The following DNAH6 variants were observed in gnomAD, a reference collection of about 807,000 sequenced individuals.
DNAH6 encodes the protein dynein axonemal heavy chain 6, also known as axonemal beta dynein heavy chain 6.
A neutral mutation model predicts 491.4 loss-of-function variants in DNAH6; 340 were observed. That is an observed-to-expected ratio of 0.69 (90% CI 0.63 to 0.76). The LOEUF is 0.76. Among genes scored for constraint, DNAH6 ranks in the 30% least tolerant of loss-of-function variants. The pLI, the probability that DNAH6 is intolerant of heterozygous loss-of-function variation, is 0.00. For synonymous variants in DNAH6, 1,603 were observed against 1,686.1 expected (o/e 0.95, Z 1.21); for missense variants, 4,443 against 4,972.2 (o/e 0.89, Z 3.20).
At chr2:84,771,087 G>A (rs949123702) in intron 64 of DNAH6, among the ~76,000 whole-genome samples, 1 of 152,030 alleles carries the variant, frequency 6.6e-6, no homozygotes, top group African/African-American at 2.4e-5. Context: ...TCAGGAGTTT[G>A]AGACCAGCTT....
At position 84,531,896 on chromosome 2, in the gene DNAH6, G is replaced by T. The variant is rs73945108; in HGVS notation, c.662+2730G>T. Among the ~76,000 whole-genome samples the T allele has an allele frequency of 7.2e-3, 1,094 of 151,982 alleles. 15 individuals are homozygous for T. Among genetic ancestry groups the T allele is most frequent in the African/African-American group, 0.026 (1,065 of 41,412 alleles). Reference sequence around the variant, plus strand: ...ACTTTACTCGCTTGTATAGTTCTTTGTAAGTTTTTGGTGAAGAACTTGTAG... The same window carrying T: ...ACTTTACTCGCTTGTATAGTTCTTTTTAAGTTTTTGGTGAAGAACTTGTAG... On this transcript the variant is annotated intron_variant, in intron 4 of 76. Transcript: ENST00000389394.
intron 29 of DNAH6, among the ~76,000 whole-genome samples, chr2:84,633,497 A>G (rs900849492): frequency 1.3e-5 from 2 of 151,466 alleles, no homozygotes; most frequent in African/African-American, 4.9e-5. Context: ...CTCATTTCCA[A>G]ATATTTCTCT....
intron 74 of DNAH6, 75 bp from the exon 75 acceptor site, chr2:84,813,896 T>C: frequency 6.8e-7 from 1 of 1,476,114 alleles, no homozygotes; most frequent in Non-Finnish European, 9.2e-7. Context: ...GGCAGCCTGG[T>C]TTGGATGAAG....
At chr2:84,487,945 A>G in the DNAH6 span, among the ~76,000 whole-genome samples, 1 of 152,150 alleles carries the variant, frequency 6.6e-6, no homozygotes, top group African/African-American at 2.4e-5. Flanking sequence ...ATCCTGACAC[A>G]GTGGGATATT....
chr2:84,637,012 A>T (rs1313352268), intron 30 of DNAH6, among the ~76,000 whole-genome samples, 198 bp from the exon 31 acceptor site: 3 of 152,220 alleles, frequency 2.0e-5, no homozygotes. Context: ...AGGGAGACAG[A>T]AATCAGGAAA....
At chr2:84,474,504 G>A in the DNAH6 span, among the ~76,000 whole-genome samples, 2 of 152,044 alleles carry the variant, frequency 1.3e-5, no homozygotes, top group East Asian at 3.9e-4. Flanking sequence ...GTTCTGATTG[G>A]CCATTTTTAT....
At chr2:84,538,031 G>A (rs1385332024) in intron 4 of DNAH6, among the ~76,000 whole-genome samples, 2 of 152,078 alleles carry the variant, frequency 1.3e-5, no homozygotes, top group Admixed American at 1.3e-4. Flanking sequence ...CTTTAAGGTA[G>A]GTAGGATTGA....
intron 49 of DNAH6, among the ~76,000 whole-genome samples, chr2:84,701,729 G>A (rs1695919037): frequency 6.6e-6 from 1 of 152,108 alleles, no homozygotes; most frequent in African/African-American, 2.4e-5. Flanking sequence ...AGCACCAAAG[G>A]GAGGATGGTG....
At chr2:84,694,183 G>T (rs1311438258) in intron 45 of DNAH6, 66 bp from the exon 46 acceptor site, 2 of 1,409,366 alleles carry the variant, frequency 1.4e-6, no homozygotes, top group Non-Finnish European at 2.0e-6. Context: ...TGGCTCTGGG[G>T]CAGGCTCTCT....
At chr2:84,719,342 C>T (rs1371823581) in intron 59 of DNAH6, among the ~76,000 whole-genome samples, 2 of 152,216 alleles carry the variant, frequency 1.3e-5, no homozygotes, top group East Asian at 3.9e-4. Context: ...TGTTAACCCA[C>T]TTATTTTTAT....
intron 11 of DNAH6, among the ~76,000 whole-genome samples, chr2:84,570,129 AG>A (rs1681626646): frequency 1.3e-5 from 2 of 152,122 alleles, no homozygotes; most frequent in South Asian, 4.1e-4. Context: ...GGGGTAGGAT[AG>A]TACAATATGA....
At chr2:84,751,980 A>G (rs1673513950) in intron 63 of DNAH6, among the ~76,000 whole-genome samples, 1 of 152,212 alleles carries the variant, frequency 6.6e-6, no homozygotes, top group African/African-American at 2.4e-5. Context: ...TGTCAGAGAG[A>G]TGAGGTCATA....
chr2:84,618,667 C>G (rs1558805224), intron 23 of DNAH6, among the ~76,000 whole-genome samples: 1 of 151,254 alleles, frequency 6.6e-6, no homozygotes, highest in Non-Finnish European at 1.5e-5. Context: ...ATTGCTGTAA[C>G]CTATTCTAGT....
At position 84,658,469 on chromosome 2, in the gene DNAH6, G is replaced by A; in HGVS notation, c.5935G>A (p.Ala1979Thr). 1 of 1,507,204 alleles carries A rather than the reference G, an allele frequency of 6.6e-7. No individual in the cohort carries two copies. Among genetic ancestry groups the A allele is most frequent in the East Asian group, 2.5e-5 (1 of 39,264 alleles). 93.4% of individuals were successfully genotyped at this position (1,507,204 alleles called of 1,614,324 possible). A position where few individuals can be genotyped will look rare whatever the true frequency, so the allele number is the denominator to read the frequency against. Residue 1979 changes from alanine to threonine, a missense_variant, in exon 36 of 77, where the codon GCA becomes ACA. Coordinates refer to ENST00000389394, the MANE Select transcript of DNAH6 (RefSeq NM_001370.2). ...LILGKDGVNL[A>T]MEQTKLNTIL... ...ACTTGGGAAAGATGGAGTTAACTTGGCAATGGTATGAAGAGTTTTCTTATT... is the reference window on the plus strand; with the variant it reads ...ACTTGGGAAAGATGGAGTTAACTTGACAATGGTATGAAGAGTTTTCTTATT...
chr2:84,812,356 C>G lies in DNAH6; in HGVS notation c.11755C>G (p.Leu3919Val), dbSNP rs1366587743. The G allele has an allele frequency of 3.9e-6, 6 of 1,551,914 alleles. No homozygotes were observed. Among genetic ancestry groups the G allele is most frequent in the Non-Finnish European group, 5.2e-6 (6 of 1,146,988 alleles). Residue 3919 changes from leucine (L) to valine (V), a missense_variant, in exon 73 of 77, where the codon CTC becomes GTC. Physicochemically the swap from Leu to Val is conservative, Grantham distance 32. This residue lies in a region of DNAH6 where 1,463 missense variants were observed against 1,656.6 expected (regional missense o/e 0.88). Coordinates refer to ENST00000389394, the MANE Select transcript of DNAH6 (RefSeq NM_001370.2). ...GTTCTTTCAGACTTCTCTGGAAACA[C>G]TCAACAAAGCCATCGCTGGATTTGT... Reference protein sequence around the residue: ...LKLIHTSLETLNKAIAGFVVM... With the variant: ...LKLIHTSLETVNKAIAGFVVM...
At chr2:84,674,316 T>C (rs1025254005) in intron 40 of DNAH6, among the ~76,000 whole-genome samples, 3 of 152,226 alleles carry the variant, frequency 2.0e-5, no homozygotes, top group African/African-American at 7.2e-5. Flanking sequence ...GAATATGTGA[T>C]TTCAGCTAAG....
intron 72 of DNAH6, among the ~76,000 whole-genome samples, chr2:84,811,036 G>A (rs1362979228): frequency 4.6e-5 from 7 of 152,166 alleles, no homozygotes; most frequent in African/African-American, 7.2e-5. Context: ...GATGGTCTTG[G>A]CTCTGGCTAA....
Position 84,517,743 on chromosome 2 carries a change from T to C in DNAH6, c.-8-76T>C, listed in dbSNP as rs1675733246. On this transcript the variant is annotated intron_variant, in intron 1 of 76. Coordinates refer to ENST00000389394, the MANE Select transcript of DNAH6 (RefSeq NM_001370.2). ...AATTCAACTCTTCCTAGTCCTTAAG[T>C]CCCTCTCCAGTAGCCTCCTTCCCCA... is the stretch of plus-strand genomic sequence containing the variant. 3.6e-6 allele frequency: 4 copies of C among 1,116,678 alleles called. No individual in the cohort carries two copies. In the South Asian group the frequency reaches 6.3e-5, roughly 18 times the overall value. The allele number at this position is 1,116,678 out of a possible 1,614,324, so 69.2% of individuals were successfully genotyped here.
chr2:84,719,893 C>G (rs377527128), intron 59 of DNAH6, among the ~76,000 whole-genome samples: 3 of 140,896 alleles, frequency 2.1e-5, no homozygotes, highest in East Asian at 4.1e-4. Flanking sequence ...CACACACACA[C>G]ACACAGACAC....
Sources: allele counts gnomAD v4.1 joint callset (sites outside exome capture counted in the v4.1 genomes callset), GRCh38; gene constraint gnomAD v4.1.1; regional missense constraint gnomAD v4.1.1; transcripts MANE v1.5; gene names NCBI Gene and HGNC (gene_info 2026-07-23, HGNC 2026-07-21).